Variants in MEOX2 observed in about 807,000 individuals in gnomAD.
MEOX2 encodes mesenchyme homeobox 2.
Under a neutral mutation model 27.0 loss-of-function variants are expected in MEOX2, and 11 were observed. The ratio of observed to expected loss-of-function variants is 0.41; its 90% CI spans 0.26 to 0.68. MEOX2 has a LOEUF of 0.68. Ranked by LOEUF, MEOX2 falls within the 30% of genes least tolerant of loss-of-function variation. MEOX2 has a pLI of 0.33. For synonymous variants in MEOX2, 189 were observed against 155.4 expected (o/e 1.22, Z -1.61); for missense variants, 436 against 385.4 (o/e 1.13, Z -1.10).
chr7:15,649,874 C>A (rs906030739), intron 1 of MEOX2, among the ~76,000 whole-genome samples: 4 of 152,020 alleles, frequency 2.6e-5, no homozygotes, highest in African/African-American at 7.2e-5. Flanking sequence ...TCTTGCCCTG[C>A]AGAGAGCTTA....
chr7:15,637,843 T>A (rs1781508507), intron 1 of MEOX2, among the ~76,000 whole-genome samples: 1 of 151,996 alleles, frequency 6.6e-6, no homozygotes. Flanking sequence ...CATCTAAGAA[T>A]CCACAGGATT....
At position 15,682,898 on chromosome 7, in the gene MEOX2, C is replaced by G. The variant is rs1398395086; in HGVS notation, c.517+2988G>C. Among the ~76,000 whole-genome samples, 6 of 151,778 alleles carry G rather than the reference C, an allele frequency of 4.0e-5. No homozygotes were observed. In the East Asian group the frequency reaches 1.2e-3, roughly 29 times the overall value. On this transcript the variant is annotated intron_variant, in intron 1 of 2. Coordinates refer to ENST00000262041, the MANE Select transcript of MEOX2 (RefSeq NM_005924.5). ...GGAAAGCGTAGCAGGTTCAAAGTTA[C>G]AAAAATGTTTAACACATATAAAATA... is the stretch of plus-strand genomic sequence containing the variant.
intron 2 of MEOX2, among the ~76,000 whole-genome samples, chr7:15,616,524 AAT>A (rs1781125789): frequency 6.6e-6 from 1 of 151,920 alleles, no homozygotes; most frequent in South Asian, 2.1e-4. Flanking sequence ...TCAATTTATA[AAT>A]AGAGACTTCA....
At chr7:15,676,875 C>T (rs1480385693) in intron 1 of MEOX2, among the ~76,000 whole-genome samples, 1 of 151,344 alleles carries the variant, frequency 6.6e-6, no homozygotes, top group Non-Finnish European at 1.5e-5. Context: ...AAAAAAGAGT[C>T]CTCATTTTAT....
intron 1 of MEOX2, among the ~76,000 whole-genome samples, chr7:15,645,099 G>T (rs1781620924): frequency 6.6e-6 from 1 of 152,178 alleles, no homozygotes; most frequent in Non-Finnish European, 1.5e-5. Flanking sequence ...TAATTTGAAA[G>T]TTCTCTCAAT....
intron 2 of MEOX2, among the ~76,000 whole-genome samples, chr7:15,620,341 A>G (rs537796785): frequency 1.3e-5 from 2 of 152,342 alleles, no homozygotes; most frequent in Admixed American, 6.5e-5. Context: ...TCATGGAGAC[A>G]TAATTAGCTA....
At chr7:15,668,621 A>G (rs574987519) in intron 1 of MEOX2, among the ~76,000 whole-genome samples, 33 of 152,172 alleles carry the variant, frequency 2.2e-4, no homozygotes, top group African/African-American at 7.7e-4. Flanking sequence ...AGCTAGGATT[A>G]CAGGCACCCA....
At chr7:15,656,324 T>C (rs1781820084) in intron 1 of MEOX2, among the ~76,000 whole-genome samples, 1 of 151,926 alleles carries the variant, frequency 6.6e-6, no homozygotes, top group Non-Finnish European at 1.5e-5. Flanking sequence ...CTCTGACTTT[T>C]AATTGCTATG....
chr7:15,652,886 A>G (rs939525911), intron 1 of MEOX2, among the ~76,000 whole-genome samples: 2 of 152,028 alleles, frequency 1.3e-5, no homozygotes, highest in Admixed American at 6.6e-5. Flanking sequence ...CCTGTTGAAG[A>G]GCATTTGCAC....
chr7:15,651,594 G>A (rs1781732996), intron 1 of MEOX2, among the ~76,000 whole-genome samples: 1 of 151,896 alleles, frequency 6.6e-6, no homozygotes, highest in South Asian at 2.1e-4. Context: ...TGAGGAAACT[G>A]AGGCACAAGA....
chr7:15,659,758 C>CAAAAA (rs58319551), intron 1 of MEOX2, among the ~76,000 whole-genome samples: 51 of 53,888 alleles, frequency 9.5e-4, no homozygotes, highest in Non-Finnish European at 1.1e-3. Context: ...AGACTGCTCT[C>CAAAAA]AAAAAAAAAA....
At chr7:15,660,503 C>T (rs1047687577) in intron 1 of MEOX2, among the ~76,000 whole-genome samples, 2 of 152,070 alleles carry the variant, frequency 1.3e-5, no homozygotes, top group Admixed American at 1.3e-4. Context: ...CTGTCATTTG[C>T]ATCGTAAGAT....
chr7:15,624,395 A>T (rs1294981722), intron 2 of MEOX2, among the ~76,000 whole-genome samples: 1 of 152,142 alleles, frequency 6.6e-6, no homozygotes, highest in Non-Finnish European at 1.5e-5. Flanking sequence ...CTGTGGTTAG[A>T]TTATTTCAGG....
At position 15,659,227 on chromosome 7, in the gene MEOX2, A is replaced by T. The variant is rs371869075; in HGVS notation, c.517+26659T>A. On this transcript the variant is annotated intron_variant, in intron 1 of 2. Transcript: ENST00000262041. Reference sequence around the variant, plus strand: ...CAGAAGTCCAAAAATTTACTTTAATATATAACTTATTTATAAACTAGGCAA... The same window carrying T: ...CAGAAGTCCAAAAATTTACTTTAATTTATAACTTATTTATAAACTAGGCAA... 2.6e-5 allele frequency among the ~76,000 whole-genome samples: 4 copies of T among 152,304 alleles called. No homozygotes were observed. In the South Asian group the frequency reaches 8.3e-4, roughly 32 times the overall value.
Position 15,648,539 on chromosome 7 carries a change from G to A in MEOX2, c.518-21621C>T, listed in dbSNP as rs190524061. On this transcript the variant is annotated intron_variant, in intron 1 of 2. Transcript: ENST00000262041. ...ATAGCAGGCCGGAGAAAGGGATCTG[G>A]GTCCTTTATTGTTACCATTAAAGTC... is the stretch of plus-strand genomic sequence containing the variant. 2.7e-3 allele frequency among the ~76,000 whole-genome samples: 404 copies of A among 152,024 alleles called. 1 individual carries two copies. Among genetic ancestry groups the A allele is most frequent in the African/African-American group, 9.1e-3 (377 of 41,492 alleles).
At position 15,685,963 on chromosome 7, in the gene MEOX2, C is replaced by T. The variant is rs772029318; in HGVS notation, c.440G>A (p.Gly147Glu). ...STPTGAACAP[G>E]DYGRQALSPA... ...TGACAGTGCCTGGCGGCCGTAGTCC[C>T]CCGGCGCGCACGCGGCCCCAGTCGG... The change falls in exon 1 of 3, where the codon GGG (glycine) becomes GAG (glutamate). Residue 147 changes from glycine (G) to glutamate (E), a missense_variant. Coordinates refer to ENST00000262041, the MANE Select transcript of MEOX2 (RefSeq NM_005924.5). 2 of 1,611,252 alleles carry T rather than the reference C, an allele frequency of 1.2e-6. No homozygotes were observed. Among genetic ancestry groups the T allele is most frequent in the African/African-American group, 1.3e-5 (1 of 74,932 alleles).
intron 1 of MEOX2, among the ~76,000 whole-genome samples, chr7:15,652,685 T>C (rs1367163104): frequency 1.3e-5 from 2 of 152,030 alleles, no homozygotes; most frequent in Non-Finnish European, 2.9e-5. Flanking sequence ...ATGTCTGTAA[T>C]TTTTGTCCTC....
chr7:15,633,267 G>A (rs1781429482), intron 1 of MEOX2, among the ~76,000 whole-genome samples: 1 of 151,874 alleles, frequency 6.6e-6, no homozygotes, highest in African/African-American at 2.4e-5. Flanking sequence ...GAGAACTCAA[G>A]CTTCCACATG....
chr7:15,617,230 G>A (rs1781138185), intron 2 of MEOX2, among the ~76,000 whole-genome samples: 1 of 152,092 alleles, frequency 6.6e-6, no homozygotes, highest in Admixed American at 6.6e-5. Context: ...TCTGGGATTT[G>A]TAGATTTAAT....
Sources: gnomAD v4.1 joint callset for allele counts (sites outside exome capture counted in the v4.1 genomes callset) on GRCh38, gnomAD v4.1.1 for gene constraint, MANE v1.5 for transcripts, NCBI Gene and HGNC (gene_info 2026-07-23, HGNC 2026-07-21) for gene names.